The following DLG1 variants were observed in gnomAD, a reference collection of about 807,000 sequenced individuals.
DLG1 encodes the protein disks large homolog 1.
DLG1 carries 42 observed loss-of-function variants against 123.4 expected under a neutral mutation model. The observed-to-expected ratio is 0.34, with a 90% CI of 0.27 to 0.44. The LOEUF (loss-of-function observed/expected upper bound fraction) is 0.44. DLG1 is among the 20% of genes least tolerant of loss of function. The pLI, the probability that DLG1 is intolerant of heterozygous loss-of-function variation, is 1.00. For missense variants in DLG1, 942 were observed against 1,082.6 expected, an observed-to-expected ratio of 0.87 and a Z score of 1.82; for synonymous variants, 317 against 356.2, an observed-to-expected ratio of 0.89 and a Z score of 1.24.
intron 13 of DLG1, among the ~76,000 whole-genome samples, chr3:197,114,709 G>A (rs1414184724): frequency 6.6e-6 from 1 of 152,156 alleles, no homozygotes; most frequent in Non-Finnish European, 1.5e-5. Context: ...TCGGCCAGGT[G>A]CAGTGGCTCA....
At chr3:197,260,222 C>A in intron 4 of DLG1, 1 of 416,456 alleles carries the variant, frequency 2.4e-6, no homozygotes, top group Non-Finnish European at 4.8e-6. Context: ...ACATCTGTCA[C>A]TAACAATGAA....
intron 4 of DLG1, among the ~76,000 whole-genome samples, chr3:197,250,927 G>A (rs1022358424): frequency 1.4e-5 from 2 of 144,696 alleles, no homozygotes; most frequent in African/African-American, 5.1e-5. Flanking sequence ...AGGTTGCAGT[G>A]AGCCAAGATC....
At position 197,194,421 on chromosome 3, in the gene DLG1, C is replaced by T. The variant is rs922828285; in HGVS notation, c.483+4G>A. On this transcript the variant is annotated splice_donor_region_variant and intron_variant, in intron 5 of 24. Coordinates refer to ENST00000667157, the MANE Select transcript of DLG1 (RefSeq NM_001366207.1). ...ATAACAATAATAAATAGATACTATCCTACCTTTATTGGTGAAATATGAGAA... is the reference window on the plus strand; with the variant it reads ...ATAACAATAATAAATAGATACTATCTTACCTTTATTGGTGAAATATGAGAA... The T allele has an allele frequency of 2.6e-6, 4 of 1,555,886 alleles. No individual in the cohort carries two copies. Among genetic ancestry groups the T allele is most frequent in the Non-Finnish European group, 2.6e-6 (3 of 1,146,904 alleles).
chr3:197,138,888 G>T (rs1284557410), intron 8 of DLG1, among the ~76,000 whole-genome samples: 2 of 152,154 alleles, frequency 1.3e-5, no homozygotes, highest in Non-Finnish European at 2.9e-5. Flanking sequence ...AAGTGACAGA[G>T]CTGTGATTCA....
At chr3:197,048,254 T>C (rs1489976260) in intron 24 of DLG1, among the ~76,000 whole-genome samples, 5 of 152,206 alleles carry the variant, frequency 3.3e-5, no homozygotes, top group Non-Finnish European at 1.5e-5. Flanking sequence ...GCAGATCACT[T>C]GAGGCCAGGA....
At chr3:197,087,184 T>C (rs1380350562) in intron 15 of DLG1, among the ~76,000 whole-genome samples, 1 of 152,230 alleles carries the variant, frequency 6.6e-6, no homozygotes, top group Non-Finnish European at 1.5e-5. Context: ...AATGTAACTA[T>C]CATTCTTAAT....
In DLG1 at chr3:197,149,745, A is replaced by G; in HGVS notation, c.535T>C (p.Tyr179His). 1 of 1,595,268 alleles carries G rather than the reference A, an allele frequency of 6.3e-7. No individual in the cohort carries two copies. Among genetic ancestry groups the G allele is most frequent in the Non-Finnish European group, 8.6e-7 (1 of 1,163,232 alleles). ...VNTDSLETPT[Y>H]VNGTDADYEY... The stretch of plus-strand genomic sequence containing the variant: ...TGTGGGGAGGAAATGGAACTTACGT[A>G]AGTTGGTGTTTCCAAGCTATCTGTG... The change falls in exon 6 of 25, where the codon TAC becomes CAC. Residue 179 changes from tyrosine to histidine, a missense_variant and splice_region_variant. By Grantham distance (83) the Tyr-to-His change is moderately conservative. Transcript: ENST00000667157.
At chr3:197,242,895 G>A (rs1174444102) in intron 4 of DLG1, among the ~76,000 whole-genome samples, 1 of 152,138 alleles carries the variant, frequency 6.6e-6, no homozygotes, top group Non-Finnish European at 1.5e-5. Context: ...GAGACCAGGA[G>A]TTCAAGATCC....
intron 11 of DLG1, among the ~76,000 whole-genome samples, chr3:197,124,069 C>T (rs1235411034): frequency 2.6e-5 from 4 of 152,034 alleles, no homozygotes; most frequent in Non-Finnish European, 5.9e-5. Flanking sequence ...ATAGTGAGAC[C>T]CCATCTCTAC....
intron 24 of DLG1, among the ~76,000 whole-genome samples, chr3:197,048,104 A>G (rs1451526674): frequency 6.6e-6 from 1 of 152,250 alleles, no homozygotes; most frequent in African/African-American, 2.4e-5. Context: ...ACATTTTTCC[A>G]AAGAAGACAT....
intron 14 of DLG1, among the ~76,000 whole-genome samples, chr3:197,097,880 C>T (rs1391407410): frequency 6.6e-6 from 1 of 151,952 alleles, no homozygotes; most frequent in East Asian, 1.9e-4. Context: ...GCGCCCAACC[C>T]TCTTTTTGTA....
At chr3:197,227,474 C>CAA (rs371303415) in intron 4 of DLG1, among the ~76,000 whole-genome samples, 11 of 148,152 alleles carry the variant, frequency 7.4e-5, no homozygotes, top group Non-Finnish European at 1.3e-4. Context: ...GACTCCATCT[C>CAA]AAAAAAAAAC....
rs557586130 is a variant in DLG1 at position 197,271,056 on chromosome 3, G to A, written c.318+11623C>T. 3.2e-3 allele frequency among the ~76,000 whole-genome samples: 480 copies of A among 152,262 alleles called. 3 individuals are homozygous for A. The highest frequency in any genetic ancestry group is 5.1e-3 in the Non-Finnish European group (349 of 68,012). On this transcript the variant is annotated intron_variant, in intron 4 of 24. Transcript: ENST00000667157. The stretch of plus-strand genomic sequence containing the variant: ...TATTCTATCAGATTACAAAAGACTA[G>A]AGACACTGTACCAGATTTGGTATGT...
chr3:197,206,608 A>G (rs1354293547), intron 4 of DLG1, among the ~76,000 whole-genome samples: 3 of 152,194 alleles, frequency 2.0e-5, no homozygotes, highest in African/African-American at 2.4e-5. Flanking sequence ...GTATCTTTCT[A>G]TTCACCAAAA....
chr3:197,254,502 A>G (rs997644902), intron 4 of DLG1, among the ~76,000 whole-genome samples: 5 of 152,236 alleles, frequency 3.3e-5, no homozygotes, highest in African/African-American at 1.2e-4. Flanking sequence ...TATTTAGAGC[A>G]CAATAAAAAA....
At chr3:197,189,283 G>C (rs190406355) in intron 5 of DLG1, among the ~76,000 whole-genome samples, 1 of 152,022 alleles carries the variant, frequency 6.6e-6, no homozygotes, top group African/African-American at 2.4e-5. Context: ...AAATTATGGT[G>C]CAAATATATC....
At chr3:197,226,696 T>C (rs543286671) in intron 4 of DLG1, among the ~76,000 whole-genome samples, 1 of 152,302 alleles carries the variant, frequency 6.6e-6, no homozygotes, top group Admixed American at 6.5e-5. Flanking sequence ...TTCTAATACA[T>C]CAAAATCACT....
chr3:197,165,270 T>C (rs1800858801), intron 5 of DLG1, among the ~76,000 whole-genome samples: 1 of 152,236 alleles, frequency 6.6e-6, no homozygotes, highest in East Asian at 1.9e-4. Flanking sequence ...TCTTTAAGTG[T>C]CATTCTCTAG....
At chr3:197,186,619 A>G (rs1716180459) in intron 5 of DLG1, among the ~76,000 whole-genome samples, 1 of 109,024 alleles carries the variant, frequency 9.2e-6, no homozygotes, top group African/African-American at 3.3e-5. Context: ...AATATTTACA[A>G]TATTAAATGG....
Sources: allele counts gnomAD v4.1 joint callset (sites outside exome capture counted in the v4.1 genomes callset), GRCh38; gene constraint gnomAD v4.1.1; transcripts MANE v1.5; gene names NCBI Gene and HGNC (gene_info 2026-07-23, HGNC 2026-07-21).